Variants in UBA7 observed in about 807,000 individuals in gnomAD.
UBA7 encodes ubiquitin-like modifier-activating enzyme 7.
Under a neutral mutation model 113.0 loss-of-function variants are expected in UBA7, and 88 were observed. The observed-to-expected ratio is 0.78, with a 90% CI of 0.66 to 0.93. The LOEUF (loss-of-function observed/expected upper bound fraction) is 0.93. UBA7 is among the 40% of genes least tolerant of loss of function. The probability of loss-of-function intolerance (pLI) is 0.00; values close to 1 mark genes in which losing one functional copy is unlikely to be tolerated. For missense variants in UBA7, 1,092 were observed against 1,266.4 expected, an observed-to-expected ratio of 0.86 and a Z score of 2.09; for synonymous variants, 459 against 513.0, an observed-to-expected ratio of 0.89 and a Z score of 1.42.
Position 49,808,402 on chromosome 3 carries a change from G to T in UBA7, c.2414C>A (p.Pro805His). 6.2e-7 allele frequency: 1 copy of T among 1,614,202 alleles called. No homozygotes were observed. Among genetic ancestry groups the T allele is most frequent in the Non-Finnish European group, 8.5e-7 (1 of 1,180,028 alleles). The change falls in exon 19 of 24, where the codon CCT becomes CAT. Residue 805 changes from proline to histidine, a missense_variant. Around this residue, in one of 3 missense-constraint regions of UBA7, gnomAD observed 500 missense variants for 529.3 expected, o/e 0.94. Coordinates refer to ENST00000333486, the MANE Select transcript of UBA7 (RefSeq NM_003335.3). ...EVWSVGPPLK[P>H]LMFEKDDDSN... is the part of the protein sequence containing the mutation. ...GGCACCCACCTTCTCAAACATCAGA[G>T]GCTTCAGGGGAGGGCCCACACTCCA...
Position 49,813,384 on chromosome 3 carries a change from C to T in UBA7, c.226-1G>A. ...CCAAGTCCTGCTCTGAGAGGAGAAACTAGGGAGAGAGCCAGTGCAGCCTGA... is the reference window on the plus strand; with the variant it reads ...CCAAGTCCTGCTCTGAGAGGAGAAATTAGGGAGAGAGCCAGTGCAGCCTGA... On this transcript the variant is annotated splice_acceptor_variant, in intron 2 of 23. Transcript: ENST00000333486. LOFTEE classifies it high-confidence loss of function. 6.2e-7 allele frequency: 1 copy of T among 1,613,178 alleles called. No individual in the cohort carries two copies.
Position 49,809,873 on chromosome 3 carries a change from G to C in UBA7, c.1846C>G (p.Arg616Gly), listed in dbSNP as rs759738405. The C allele has an allele frequency of 1.9e-6, 3 of 1,614,156 alleles. No individual in the cohort carries two copies. The South Asian group carries it at 3.3e-5, about 18-fold the overall frequency. ...STAEHTLQWA[R>G]HEFEELFRLS... ...CGGAAGAGTTCTTCAAACTCATGCC[G>C]GGCCCACTGTGGAGGAGGGAGGAAG... The change falls in exon 15 of 24, where the codon CGG becomes GGG. Residue 616 changes from arginine to glycine, a missense_variant. By Grantham distance (125) the Arg-to-Gly change is moderately radical. Coordinates refer to ENST00000333486, the MANE Select transcript of UBA7 (RefSeq NM_003335.3).
chr3:49,805,582 C>T, intron 23 of UBA7, 145 bp from the exon 24 acceptor site: 1 of 774,788 alleles, frequency 1.3e-6, no homozygotes, highest in Non-Finnish European at 2.1e-6. Flanking sequence ...ACATCTGAAA[C>T]TATTTTAGGA....
In UBA7 at chr3:49,807,829, C is replaced by A. The variant is rs1008278625; in HGVS notation, c.2622G>T (p.Gly874=). ...LGLELYKVVS[G]PRPRSAFRHS... Reference sequence around the variant, plus strand: ...GGCGAAAGGCACTACGAGGCCGTGGCCCACTCACCACCTTATACAGCTCCA... The same window carrying A: ...GGCGAAAGGCACTACGAGGCCGTGGACCACTCACCACCTTATACAGCTCCA... The change falls in exon 21 of 24, where the codon GGG becomes GGT. Residue 874 remains glycine (G), a synonymous_variant. Coordinates refer to ENST00000333486, the MANE Select transcript of UBA7 (RefSeq NM_003335.3). The surrounding 1 kb of genome is among the most constrained non-coding windows in gnomAD (Gnocchi z 4.0). 2.5e-6 allele frequency: 4 copies of A among 1,614,022 alleles called. No homozygotes were observed. The highest frequency in any genetic ancestry group is 3.4e-6 in the Non-Finnish European group (4 of 1,180,010).
Position 49,813,070 on chromosome 3 carries a change from G to C in UBA7, c.459C>G (p.Gly153=), listed in dbSNP as rs760674673. The C allele has an allele frequency of 1.9e-6, 3 of 1,613,232 alleles. No individual in the cohort carries two copies. The highest frequency in any genetic ancestry group is 1.7e-5 in the Admixed American group (1 of 59,986). ...CAGGCAGTCTTACTCACCCCACGAG[G>C]CCCCGGGTGTCAGCCGCCAGAAAGC... ...GVCFLAADTR[G]LVGQLFCDFG... Residue 153 remains glycine (G), a synonymous_variant, in exon 4 of 24, where the codon GGC becomes GGG. Transcript: ENST00000333486.
In UBA7 at chr3:49,812,429, G is replaced by A. The variant is rs761161997; in HGVS notation, c.673C>T (p.Pro225Ser). The A allele has an allele frequency of 1.1e-5, 17 of 1,614,114 alleles. No homozygotes were observed. The East Asian group carries it at 3.6e-4, about 34-fold the overall frequency. ...EGMVELNDCD[P>S]RSIHVREDGS... ...TTACCCCGCACGTGGATAGACCGGG[G>A]ATCACAGTCGTTGAGCTCAACCATT... is the stretch of plus-strand genomic sequence containing the variant. The change falls in exon 6 of 24, where the codon CCC becomes TCC. Residue 225 changes from proline to serine, a missense_variant. Transcript: ENST00000333486.
intron 19 of UBA7, 114 bp downstream of exon 19, chr3:49,808,272 C>T (rs2081488002): frequency 6.6e-7 from 1 of 1,522,182 alleles, no homozygotes. Flanking sequence ...TGAGCTGCTT[C>T]CAGGGTCTTG....
chr3:49,811,617 G>T, intron 8 of UBA7, 162 bp from the exon 9 acceptor site: 1 of 1,167,292 alleles, frequency 8.6e-7, no homozygotes, highest in Non-Finnish European at 1.2e-6. Context: ...ACCACCAGAG[G>T]ATGCCCAGTA....
chr3:49,812,314 T>A, intron 6 of UBA7, 94 bp downstream of exon 6: 1 of 1,610,384 alleles, frequency 6.2e-7, no homozygotes, highest in Non-Finnish European at 8.5e-7. Flanking sequence ...TTGTAGAAGG[T>A]GGAGGGAGAA....
At position 49,813,795 on chromosome 3, in the gene UBA7, C is replaced by T; in HGVS notation, c.-8G>A. On this transcript the variant is annotated 5_prime_UTR_variant, in exon 1 of 24. Transcript: ENST00000333486. ...AGCGTCCAGGGCATCCATCCTCAAA[C>T]CTGGGGCTGAACAGTAGGCTGCAGC... is the stretch of plus-strand genomic sequence containing the variant. The T allele has an allele frequency of 6.2e-7, 1 of 1,614,162 alleles. No individual in the cohort carries two copies. The highest frequency in any genetic ancestry group is 8.5e-7 in the Non-Finnish European group (1 of 1,179,996).
intron 23 of UBA7, 89 bp downstream of exon 23, chr3:49,805,808 A>G (rs759992590): frequency 5.5e-6 from 7 of 1,282,660 alleles, no homozygotes; most frequent in Non-Finnish European, 7.7e-6. Context: ...GGGGCCCAGA[A>G]TGGGGCTGGG....
Position 49,805,945 on chromosome 3 carries a change from T to C in UBA7, c.2861A>G (p.Tyr954Cys), listed in dbSNP as rs1432482124. ...RILLHGSALL[Y>C]AAGWSPEKQA... ...CTTTTCAGGTGACCATCCGGCCGCATAGAGCAGGGCTGAGCCGTGCAGCAG... is the reference window on the plus strand; with the variant it reads ...CTTTTCAGGTGACCATCCGGCCGCACAGAGCAGGGCTGAGCCGTGCAGCAG... Residue 954 changes from tyrosine (Y) to cysteine (C), a missense_variant, in exon 23 of 24, where the codon TAT becomes TGT. By Grantham distance (194) the Tyr-to-Cys change is radical. Around this residue, in one of 3 missense-constraint regions of UBA7, gnomAD observed 500 missense variants for 529.3 expected, o/e 0.94. Coordinates refer to ENST00000333486, the MANE Select transcript of UBA7 (RefSeq NM_003335.3). 6 of 1,563,966 alleles carry C rather than the reference T, an allele frequency of 3.8e-6. No homozygotes were observed. In the African/African-American group the frequency reaches 5.4e-5, roughly 14 times the overall value.
In UBA7 at chr3:49,813,297, G is replaced by A. The variant is rs139722991; in HGVS notation, c.312C>T (p.Val104=). 2.3e-5 allele frequency: 37 copies of A among 1,614,204 alleles called. No homozygotes were observed. The African/African-American group carries it at 4.3e-4, about 19-fold the overall frequency. ...LLAQLNRAVQ[V]VVHTGDITED... ...CAGTGATGTCACCCGTGTGCACGAC[G>A]ACCTGGACAGCTCTGTTGAGCTGAG... The change falls in exon 3 of 24, where the codon GTC becomes GTT. Residue 104 remains valine (V), a synonymous_variant. Coordinates refer to ENST00000333486, the MANE Select transcript of UBA7 (RefSeq NM_003335.3).
In UBA7 at chr3:49,807,686, A is replaced by T; in HGVS notation, c.2715+50T>A. 1 of 1,551,214 alleles carries T rather than the reference A, an allele frequency of 6.4e-7. No individual in the cohort carries two copies. The highest frequency in any genetic ancestry group is 8.7e-7 in the Non-Finnish European group (1 of 1,148,124). On this transcript the variant is annotated intron_variant, in intron 21 of 23. Coordinates refer to ENST00000333486, the MANE Select transcript of UBA7 (RefSeq NM_003335.3). The surrounding 1 kb of genome is among the most constrained non-coding windows in gnomAD (Gnocchi z 4.0). ...GATTGGGGCCTGTATGGGCAGGTGCAGGGGAAACCCAGGCCTAGTAGGGCT... is the reference window on the plus strand; with the variant it reads ...GATTGGGGCCTGTATGGGCAGGTGCTGGGGAAACCCAGGCCTAGTAGGGCT...
In UBA7 at chr3:49,813,296, C is replaced by T. The variant is rs373036846; in HGVS notation, c.313G>A (p.Val105Ile). The change falls in exon 3 of 24, where the codon GTC becomes ATC. Residue 105 changes from valine to isoleucine, a missense_variant. This residue lies in a region of UBA7 where 584 missense variants were observed against 714.5 expected (regional missense o/e 0.82). Coordinates refer to ENST00000333486, the MANE Select transcript of UBA7 (RefSeq NM_003335.3). ...LAQLNRAVQV[V>I]VHTGDITEDL... ...TCAGTGATGTCACCCGTGTGCACGA[C>T]GACCTGGACAGCTCTGTTGAGCTGA... The T allele has an allele frequency of 2.7e-5, 43 of 1,614,178 alleles. No individual in the cohort carries two copies. Among genetic ancestry groups the T allele is most frequent in the Middle Eastern group, 1.6e-4 (1 of 6,062 alleles).
Position 49,805,941 on chromosome 3 carries a change from C to A in UBA7, c.2865G>T (p.Ala955=). Residue 955 remains alanine (A), a synonymous_variant, in exon 23 of 24, where the codon GCG becomes GCT. Transcript: ENST00000333486. ...ILLHGSALLY[A]AGWSPEKQAQ... is the part of the protein sequence containing the mutation. ...CCTGCTTTTCAGGTGACCATCCGGCCGCATAGAGCAGGGCTGAGCCGTGCA... is the reference window on the plus strand; with the variant it reads ...CCTGCTTTTCAGGTGACCATCCGGCAGCATAGAGCAGGGCTGAGCCGTGCA... 6.4e-7 allele frequency: 1 copy of A among 1,563,052 alleles called. No homozygotes were observed. The highest frequency in any genetic ancestry group is 2.4e-5 in the East Asian group (1 of 41,764).
chr3:49,812,066 C>T, intron 7 of UBA7, 43 bp downstream of exon 7: 1 of 1,614,176 alleles, frequency 6.2e-7, no homozygotes, highest in Non-Finnish European at 8.5e-7. Flanking sequence ...ATGGGCCCCT[C>T]AAGGCGACCA....
In UBA7 at chr3:49,805,379, A is replaced by C; in HGVS notation, c.2968T>G (p.Leu990Val). Residue 990 changes from leucine (L) to valine (V), a missense_variant, in exon 24 of 24, where the codon TTG (leucine) becomes GTG (valine). Coordinates refer to ENST00000333486, the MANE Select transcript of UBA7 (RefSeq NM_003335.3). ...GQAPAPGQRV[L>V]VLELSCEGDD... ...CCCTCACAGCTCAGCTCTAGCACCAACACCCGCTGCCCAGGAGCAGGTGCC... is the reference window on the plus strand; with the variant it reads ...CCCTCACAGCTCAGCTCTAGCACCACCACCCGCTGCCCAGGAGCAGGTGCC... 6.2e-7 allele frequency: 1 copy of C among 1,613,694 alleles called. No individual in the cohort carries two copies. The highest frequency in any genetic ancestry group is 8.5e-7 in the Non-Finnish European group (1 of 1,179,930).
chr3:49,808,878 T>A (rs2081496660), intron 18 of UBA7, 98 bp downstream of exon 18: 1 of 1,443,394 alleles, frequency 6.9e-7, no homozygotes, highest in African/African-American at 1.4e-5. Context: ...TGGCTGTAGA[T>A]CCCCTAGGCC....
Sources: allele counts gnomAD v4.1 joint callset, GRCh38; gene constraint gnomAD v4.1.1; regional missense constraint gnomAD v4.1.1; non-coding constraint Gnocchi (gnomAD v3.1); transcripts MANE v1.5; gene names NCBI Gene and HGNC (gene_info 2026-07-23, HGNC 2026-07-21).